Variants in EPM2A observed in about 807,000 individuals in gnomAD.
EPM2A encodes laforin.
Under a neutral mutation model 26.5 loss-of-function variants are expected in EPM2A, and 21 were observed. The ratio of observed to expected loss-of-function variants is 0.79; its 90% confidence interval spans 0.56 to 1.14. EPM2A has a LOEUF of 1.14. Among genes scored for constraint, EPM2A ranks in the 50% most tolerant of loss-of-function variants. EPM2A has a pLI of 0.00. For synonymous variants in EPM2A, 217 were observed against 177.6 expected, an observed-to-expected ratio of 1.22 and a Z score of -1.76; for missense variants, 458 against 440.8, an observed-to-expected ratio of 1.04 and a Z score of -0.35.
At chr6:145,630,643 G>A (rs1776178919) in intron 3 of EPM2A, 1 of 152,184 alleles carries the variant, frequency 6.6e-6, no homozygotes, top group Admixed American at 6.5e-5. Flanking sequence ...GAAGTAGCTG[G>A]TCCAGGGTGC....
At chr6:145,522,316 C>T (rs1261947128) in intron 2 of EPM2A, among the ~76,000 whole-genome samples, 1 of 152,004 alleles carries the variant, frequency 6.6e-6, no homozygotes, top group African/African-American at 2.4e-5. Context: ...TAACTTTTGG[C>T]CATCTCTACT....
At chr6:145,695,504 G>A (rs1456003788) in intron 1 of EPM2A, among the ~76,000 whole-genome samples, 2 of 151,862 alleles carry the variant, frequency 1.3e-5, no homozygotes, top group Non-Finnish European at 1.5e-5. Context: ...TAAAGTGACT[G>A]AATAGATTGA....
chr6:145,397,474 T>G (rs1205848489), intron 4 of EPM2A, among the ~76,000 whole-genome samples: 1 of 152,028 alleles, frequency 6.6e-6, no homozygotes, highest in African/African-American at 2.4e-5. Context: ...GAAAGGAAAT[T>G]GTTATTGGTT....
At chr6:145,468,668 T>A (rs1195427107) in intron 4 of EPM2A, among the ~76,000 whole-genome samples, 3 of 152,072 alleles carry the variant, frequency 2.0e-5, no homozygotes, top group Non-Finnish European at 4.4e-5. Flanking sequence ...GGCCTCAAAC[T>A]ATGAAGCCAC....
chr6:145,612,628 C>A (rs1775414941), intron 2 of EPM2A, among the ~76,000 whole-genome samples: 1 of 128,696 alleles, frequency 7.8e-6, no homozygotes, highest in Admixed American at 7.4e-5. Flanking sequence ...CACAATAAAG[C>A]AAGTCACACA....
At chr6:145,510,314 T>C (rs574260866) in intron 2 of EPM2A, among the ~76,000 whole-genome samples, 1 of 152,256 alleles carries the variant, frequency 6.6e-6, no homozygotes, top group Admixed American at 6.5e-5. Context: ...ATATGGAACA[T>C]ACTGTAAGAT....
intron 2 of EPM2A, among the ~76,000 whole-genome samples, chr6:145,541,991 G>A (rs948296027): frequency 2.6e-5 from 4 of 151,658 alleles, no homozygotes; most frequent in Non-Finnish European, 5.9e-5. Flanking sequence ...AAGAGGCAAG[G>A]CTTCTCAAAT....
chr6:145,397,950 A>G (rs1389478138), intron 4 of EPM2A, among the ~76,000 whole-genome samples: 2 of 152,144 alleles, frequency 1.3e-5, no homozygotes, highest in African/African-American at 2.4e-5. Flanking sequence ...ATGAATTTTT[A>G]TACTCTCCTT....
rs189078018 is a variant in EPM2A at position 145,472,510 on chromosome 6, G to T, written c.555+30012C>A. Among the ~76,000 whole-genome samples the T allele has an allele frequency of 1.8e-3, 269 of 152,138 alleles. 1 individual carries two copies. The highest frequency in any genetic ancestry group is 6.2e-3 in the African/African-American group (256 of 41,522). On this transcript the variant is annotated intron_variant, in intron 4 of 4. Transcript: ENST00000638717. ...ACCTGTGGACAGCATTTCTGGAGCT[G>T]CCCTAAGCCAGAGGGGAGACCACTG... is the stretch of plus-strand genomic sequence containing the variant.
chr6:145,726,006 G>C (rs1776187218), intron 1 of EPM2A, among the ~76,000 whole-genome samples: 1 of 152,034 alleles, frequency 6.6e-6, no homozygotes, highest in South Asian at 2.1e-4. Flanking sequence ...TCACTGCCCA[G>C]ATCTTGATTT....
At chr6:145,393,581 C>T (rs772820485) in intron 4 of EPM2A, among the ~76,000 whole-genome samples, 12 of 151,994 alleles carry the variant, frequency 7.9e-5, no homozygotes, top group African/African-American at 1.2e-4. Flanking sequence ...AATTCAGCTG[C>T]GAGAATTTGA....
chr6:145,671,059 C>A, intron 2 of EPM2A: 1 of 985,148 alleles, frequency 1.0e-6, no homozygotes, highest in East Asian at 1.1e-4. Flanking sequence ...TATCTTTGCC[C>A]AGTAATGTCT....
At chr6:145,443,052 T>C (rs543055386) in intron 4 of EPM2A, among the ~76,000 whole-genome samples, 12 of 152,096 alleles carry the variant, frequency 7.9e-5, no homozygotes, top group Admixed American at 3.9e-4. Context: ...TGTGTGTTTT[T>C]AGTAGAGATG....
intron 4 of EPM2A, among the ~76,000 whole-genome samples, chr6:145,448,391 A>G (rs1779152238): frequency 3.3e-5 from 5 of 152,144 alleles, no homozygotes; most frequent in Admixed American, 6.5e-5. Context: ...TTAGGGAACC[A>G]TTGCTTTAAA....
intron 4 of EPM2A, among the ~76,000 whole-genome samples, chr6:145,417,457 C>T (rs367823213): frequency 4.6e-5 from 7 of 152,236 alleles, no homozygotes; most frequent in African/African-American, 1.4e-4. Flanking sequence ...TCGTCAGGCT[C>T]AGGGGCTAAA....
At chr6:145,594,840 A>G (rs1481473554) in intron 2 of EPM2A, among the ~76,000 whole-genome samples, 5 of 151,836 alleles carry the variant, frequency 3.3e-5, no homozygotes, top group African/African-American at 1.2e-4. Context: ...GTGAATTACC[A>G]TGTTTAATTT....
chr6:145,393,492 G>A (rs550697589), intron 4 of EPM2A, among the ~76,000 whole-genome samples: 3 of 152,106 alleles, frequency 2.0e-5, no homozygotes, highest in South Asian at 2.1e-4. Context: ...GTAGACTGAC[G>A]CCAGAACAGT....
At chr6:145,668,996 T>C (rs960192333) in intron 2 of EPM2A, among the ~76,000 whole-genome samples, 2 of 152,140 alleles carry the variant, frequency 1.3e-5, no homozygotes, top group Admixed American at 6.6e-5. Flanking sequence ...TGTGTGTATA[T>C]ATGAGTGAGT....
chr6:145,723,254 C>T (rs968913110), intron 1 of EPM2A, among the ~76,000 whole-genome samples: 1 of 151,952 alleles, frequency 6.6e-6, no homozygotes, highest in Non-Finnish European at 1.5e-5. Context: ...GAATTTATGG[C>T]CATTAAAATC....
Sources: gnomAD v4.1 joint callset for allele counts (sites outside exome capture counted in the v4.1 genomes callset) on GRCh38, gnomAD v4.1.1 for gene constraint, MANE v1.5 for transcripts, NCBI Gene and HGNC (gene_info 2026-07-23, HGNC 2026-07-21) for gene names.